SH3RF3: variants seen among roughly 807,000 people sequenced by gnomAD.
SH3RF3 encodes the protein SH3 domain containing ring finger 3.
A neutral mutation model predicts 66.3 loss-of-function variants in SH3RF3; 29 were observed. The observed-to-expected ratio is 0.44, with a 90% CI of 0.33 to 0.60. The LOEUF (loss-of-function observed/expected upper bound fraction) is 0.60. Ranked by LOEUF, SH3RF3 falls within the 20% of genes least tolerant of loss-of-function variation. The probability of loss-of-function intolerance (pLI) is 0.04; values close to 1 mark genes in which losing one functional copy is unlikely to be tolerated. For missense variants in SH3RF3, 1,194 were observed against 1,190.9 expected, an observed-to-expected ratio of 1.00 and a Z score of -0.04; for synonymous variants, 583 against 532.0, an observed-to-expected ratio of 1.10 and a Z score of -1.32.
chr2:109,480,555 C>G (rs1219379677), intron 8 of SH3RF3, among the ~76,000 whole-genome samples: 1 of 152,186 alleles, frequency 6.6e-6, no homozygotes, highest in Admixed American at 6.5e-5. Flanking sequence ...GCAGCCAACA[C>G]TTGTCACTCA....
chr2:109,258,369 A>T (rs1680270207), intron 1 of SH3RF3, among the ~76,000 whole-genome samples: 1 of 151,788 alleles, frequency 6.6e-6, no homozygotes, highest in South Asian at 2.1e-4. Flanking sequence ...AGGACCACAA[A>T]CCCTAGTGCA....
chr2:109,161,378 A>AGG (rs35006312), intron 1 of SH3RF3, among the ~76,000 whole-genome samples: 1 of 152,000 alleles, frequency 6.6e-6, no homozygotes, highest in African/African-American at 2.4e-5. Context: ...CTCCAGGAAG[A>AGG]GGGGCAGCCT....
At chr2:109,274,633 G>A (rs1031973106) in intron 1 of SH3RF3, among the ~76,000 whole-genome samples, 11 of 152,222 alleles carry the variant, frequency 7.2e-5, no homozygotes, top group African/African-American at 2.4e-4. Context: ...CTGAGAAGAG[G>A]CGGCAATGGA....
chr2:109,369,935 G>A (rs555064163), intron 2 of SH3RF3, among the ~76,000 whole-genome samples: 21 of 152,206 alleles, frequency 1.4e-4, no homozygotes, highest in Non-Finnish European at 1.2e-4. Context: ...TTGGAAAGGC[G>A]GGTGGTGCAC....
chr2:109,135,975 G>A lies in SH3RF3; in HGVS notation c.573+5862G>A, dbSNP rs564495303. On this transcript the variant is annotated intron_variant, in intron 1 of 9. Coordinates refer to ENST00000309415, the MANE Select transcript of SH3RF3 (RefSeq NM_001099289.3). ...CCTGTTGGCAGGCTATCCTGAAAAC[G>A]AGCCCACCTCCGTCATCCGTAGGAC... Among the ~76,000 whole-genome samples the A allele has an allele frequency of 2.0e-4, 31 of 152,178 alleles. No individual in the cohort carries two copies. In the East Asian group the frequency reaches 5.8e-3, roughly 28 times the overall value.
chr2:109,460,766 A>G (rs1010273892), intron 8 of SH3RF3, among the ~76,000 whole-genome samples: 1 of 152,190 alleles, frequency 6.6e-6, no homozygotes, highest in Non-Finnish European at 1.5e-5. Context: ...AACCAGCCAA[A>G]TCATCGGCCA....
intron 1 of SH3RF3, among the ~76,000 whole-genome samples, chr2:109,241,811 G>C (rs986002332): frequency 2.0e-5 from 3 of 151,476 alleles, no homozygotes; most frequent in Admixed American, 6.6e-5. Flanking sequence ...TGTCCCCCAG[G>C]CTAGAGTGCA....
chr2:109,226,530 C>T (rs532590611), intron 1 of SH3RF3, among the ~76,000 whole-genome samples: 1 of 152,178 alleles, frequency 6.6e-6, no homozygotes, highest in African/African-American at 2.4e-5. Context: ...TTTTTAAGTC[C>T]CTTTAAAGTT....
chr2:109,263,606 G>A (rs1284499609), intron 1 of SH3RF3, among the ~76,000 whole-genome samples: 2 of 152,198 alleles, frequency 1.3e-5, no homozygotes, highest in Non-Finnish European at 2.9e-5. Context: ...CTTGAGCAAA[G>A]CTAATAGATG....
At chr2:109,421,714 A>G (rs933415789) in intron 5 of SH3RF3, among the ~76,000 whole-genome samples, 2 of 152,126 alleles carry the variant, frequency 1.3e-5, no homozygotes, top group Non-Finnish European at 2.9e-5. Context: ...GGGAAGGGAA[A>G]CTTATGTGTC....
At chr2:109,339,160 G>A (rs1047399871) in intron 1 of SH3RF3, among the ~76,000 whole-genome samples, 1 of 151,918 alleles carries the variant, frequency 6.6e-6, no homozygotes, top group African/African-American at 2.4e-5. Flanking sequence ...AGAGGTAGAG[G>A]AGGTGGACGG....
At chr2:109,360,033 C>T (rs982505250) in intron 2 of SH3RF3, among the ~76,000 whole-genome samples, 2 of 150,554 alleles carry the variant, frequency 1.3e-5, no homozygotes, top group South Asian at 2.1e-4. Flanking sequence ...ACTTACTGGT[C>T]CCTTAACCAC....
chr2:109,371,982 C>T (rs370014267), intron 3 of SH3RF3, among the ~76,000 whole-genome samples: 17 of 152,288 alleles, frequency 1.1e-4, no homozygotes, highest in Non-Finnish European at 1.5e-4. Context: ...GGGACCCCTG[C>T]GCCTGGCACC....
chr2:109,289,064 T>G lies in SH3RF3; in HGVS notation c.574-58610T>G, dbSNP rs934168433. Reference sequence around the variant, plus strand: ...GTTTGTCAACTGTTCCTGGAATAGGTGCTAAATTATAACTGAGGAGCTGGC... The same window carrying G: ...GTTTGTCAACTGTTCCTGGAATAGGGGCTAAATTATAACTGAGGAGCTGGC... On this transcript the variant is annotated intron_variant, in intron 1 of 9. Coordinates refer to ENST00000309415, the MANE Select transcript of SH3RF3 (RefSeq NM_001099289.3). Among the ~76,000 whole-genome samples, 8 of 152,350 alleles carry G rather than the reference T, an allele frequency of 5.3e-5. No individual in the cohort carries two copies. The South Asian group carries it at 1.7e-3, about 32-fold the overall frequency.
chr2:109,325,335 T>C (rs4997710), intron 1 of SH3RF3, among the ~76,000 whole-genome samples: 50 of 37,102 alleles, frequency 1.3e-3, no homozygotes, highest in African/African-American at 2.1e-3. Flanking sequence ...TTCTTTCTTT[T>C]TTTTTTTTTT....
At chr2:109,374,938 G>A (rs557961365) in intron 3 of SH3RF3, among the ~76,000 whole-genome samples, 26 of 152,334 alleles carry the variant, frequency 1.7e-4, no homozygotes, top group African/African-American at 4.6e-4. Flanking sequence ...CTCTCCCTCC[G>A]TGGTTGTGTC....
At chr2:109,402,671 A>G (rs1321536833) in intron 4 of SH3RF3, among the ~76,000 whole-genome samples, 1 of 152,214 alleles carries the variant, frequency 6.6e-6, no homozygotes, top group African/African-American at 2.4e-5. Context: ...GACTGACAGG[A>G]TGAATTCTTG....
At chr2:109,235,175 G>C (rs1245484111) in intron 1 of SH3RF3, among the ~76,000 whole-genome samples, 1 of 152,206 alleles carries the variant, frequency 6.6e-6, no homozygotes, top group Non-Finnish European at 1.5e-5. Flanking sequence ...AAACACTTCA[G>C]AGCGGGAGGA....
intron 1 of SH3RF3, among the ~76,000 whole-genome samples, chr2:109,162,743 A>G (rs993840816): frequency 6.6e-6 from 1 of 152,264 alleles, no homozygotes; most frequent in Non-Finnish European, 1.5e-5. Flanking sequence ...TATATACCCA[A>G]TAATGGGATG....
Sources: allele counts gnomAD v4.1 joint callset (sites outside exome capture counted in the v4.1 genomes callset), GRCh38; gene constraint gnomAD v4.1.1; transcripts MANE v1.5; gene names NCBI Gene and HGNC (gene_info 2026-07-23, HGNC 2026-07-21).